The following DLG4 variants were observed in gnomAD, a reference collection of about 807,000 sequenced individuals.
DLG4 encodes discs large MAGUK scaffold protein 4, also known as disks large homolog 4.
In DLG4, 7 loss-of-function variants were observed where a neutral mutation model predicts 93.8. The observed-to-expected ratio is 0.07, with a 90% CI of 0.04 to 0.14. DLG4 has a LOEUF of 0.14. DLG4 is among the 10% of genes least tolerant of loss of function. DLG4 has a pLI of 1.00. For synonymous variants in DLG4, 341 were observed against 387.6 expected (o/e 0.88, Z 1.41); for missense variants, 545 against 992.9 (o/e 0.55, Z 6.06).
Position 7,204,182 on chromosome 17 carries a change from A to G in DLG4, c.150+17T>C. 1 of 1,607,042 alleles carries G rather than the reference A, an allele frequency of 6.2e-7. No homozygotes were observed. The highest frequency in any genetic ancestry group is 8.5e-7 in the Non-Finnish European group (1 of 1,175,616). ...TCCTTCTGCAATGGCCCCAGCCCCA[A>G]AATCTAAACAACTCACATATCCTGG... On this transcript the variant is annotated intron_variant, in intron 3 of 19. Transcript: ENST00000399506.
chr17:7,211,752 CGGGGGTT>C (rs1270351347), intron 1 of DLG4: 1 of 79,926 alleles, frequency 1.3e-5, no homozygotes, highest in East Asian at 5.1e-4. Flanking sequence ...TCAAGGGTCC[CGGGGGTT>C]GGGGGAGGGG....
In DLG4 at chr17:7,196,436, T is replaced by C; in HGVS notation, c.1186+37A>G. ...AGCTGAGGAAGAGTTCTAAGGGCCA[T>C]TTCAGCTCACAAGACAAGGAACTTC... On this transcript the variant is annotated intron_variant, in intron 10 of 19. Coordinates refer to ENST00000399506, the MANE Select transcript of DLG4 (RefSeq NM_001321075.3). This position sits in a 1 kb window ranked among gnomAD's most constrained non-coding sequence, Gnocchi z 8.3. The C allele has an allele frequency of 6.2e-7, 1 of 1,612,156 alleles. No homozygotes were observed. Among genetic ancestry groups the C allele is most frequent in the Non-Finnish European group, 8.5e-7 (1 of 1,178,208 alleles).
Position 7,192,949 on chromosome 17 carries a change from T to C in DLG4, c.1862A>G (p.Glu621Gly). The C allele has an allele frequency of 6.2e-7, 1 of 1,612,262 alleles. No individual in the cohort carries two copies. The highest frequency in any genetic ancestry group is 8.5e-7 in the Non-Finnish European group (1 of 1,179,050). Reference protein sequence around the residue: ...TSVQSVREVAEQGKHCILDVS... With the variant: ...TSVQSVREVAGQGKHCILDVS... ...CGGGTGCCCGCCAGGTCCTACCTGC[T>C]CTGCCACCTCTCGCACGGACTGGAC... The change falls in exon 17 of 20, where the codon GAG (glutamate) becomes GGG (glycine). Residue 621 changes from glutamate to glycine, a missense_variant. By Grantham distance (98) the Glu-to-Gly change is moderately conservative. Around this residue, in one of 5 missense-constraint regions of DLG4, gnomAD observed 428 missense variants for 741.4 expected, o/e 0.58. Transcript: ENST00000399506.
chr17:7,191,478 C>A lies in DLG4; in HGVS notation c.1977-120G>T. Reference sequence around the variant, plus strand: ...GGAGCACATAGCAAAAAAAAAAATACAATTCCCAATATCCTCTGGGGCCAC... The same window carrying A: ...GGAGCACATAGCAAAAAAAAAAATAAAATTCCCAATATCCTCTGGGGCCAC... On this transcript the variant is annotated intron_variant, in intron 18 of 19. Transcript: ENST00000399506. The surrounding 1 kb of genome is among the most constrained non-coding windows in gnomAD (Gnocchi z 6.6). 1 of 806,108 alleles carries A rather than the reference C, an allele frequency of 1.2e-6. No homozygotes were observed. The highest frequency in any genetic ancestry group is 2.0e-6 in the Non-Finnish European group (1 of 492,970). The allele number at this position is 806,108 out of a possible 1,614,324, so 49.9% of individuals were successfully genotyped here. A position where few individuals can be genotyped will look rare whatever the true frequency, so the allele number is the denominator to read the frequency against.
rs770025954 is a variant in DLG4, at chr17:7,193,508, G to A, written c.1668C>T (p.Pro556=). 13 of 1,537,626 alleles carry A rather than the reference G, an allele frequency of 8.5e-6. No homozygotes were observed. The East Asian group carries it at 9.0e-5, about 11-fold the overall frequency. ...RANDDLLSEF[P]DKFGSCVPHT... is the part of the protein sequence containing the mutation. ...GGGGAACACAGGATCCAAACTTGTCGGGGAACTCGGAGAGAAGATCATCGT... is the reference window on the plus strand; with the variant it reads ...GGGGAACACAGGATCCAAACTTGTCAGGGAACTCGGAGAGAAGATCATCGT... The change falls in exon 16 of 20, where the codon CCC becomes CCT. Residue 556 remains proline, a synonymous_variant. Transcript: ENST00000399506. The surrounding 1 kb of genome is among the most constrained non-coding windows in gnomAD (Gnocchi z 6.7).
At position 7,190,946 on chromosome 17, in the gene DLG4, C is replaced by T. The variant is rs1597435386; in HGVS notation, c.2069-132G>A. On this transcript the variant is annotated intron_variant, in intron 19 of 19. Coordinates refer to ENST00000399506, the MANE Select transcript of DLG4 (RefSeq NM_001321075.3). ...AAGCCATAAGTCCTGGGGCTGCACCCGCCCACAGGGGCACCTCTTTTTTTT... is the reference window on the plus strand; with the variant it reads ...AAGCCATAAGTCCTGGGGCTGCACCTGCCCACAGGGGCACCTCTTTTTTTT... 1.2e-5 allele frequency: 8 copies of T among 695,476 alleles called. No individual in the cohort carries two copies. In the East Asian group the frequency reaches 1.3e-4, roughly 11 times the overall value. 43.1% of individuals were successfully genotyped at this position (695,476 alleles called of 1,614,324 possible). A position where few individuals can be genotyped will look rare whatever the true frequency, so the allele number is the denominator to read the frequency against.
intron 2 of DLG4, among the ~76,000 whole-genome samples, chr17:7,207,403 C>T (rs2070516167): frequency 6.6e-6 from 1 of 151,988 alleles, no homozygotes; most frequent in African/African-American, 2.4e-5. Context: ...GGGAAGAGAA[C>T]TCAGGAGTGG....
rs946157988 is a variant in DLG4 at position 7,188,892 on chromosome 17, AC to A, written c.*1815del. Among the ~76,000 whole-genome samples, 10 of 152,116 alleles carry A rather than the reference AC, an allele frequency of 6.6e-5. No homozygotes were observed. The highest frequency in any genetic ancestry group is 2.4e-4 in the African/African-American group (10 of 41,420). On this transcript the variant is annotated 3_prime_UTR_variant, in exon 20 of 20. Coordinates refer to ENST00000399506, the MANE Select transcript of DLG4 (RefSeq NM_001321075.3). ...TGTGGGAGGCCAAGCTGGGCGGATC[AC>A]CTGAGGTCAGGAGTTCGAGACCAGC...
intron 2 of DLG4, among the ~76,000 whole-genome samples, chr17:7,207,732 GCACA>G (rs147158727): frequency 1.4e-4 from 21 of 149,412 alleles, no homozygotes; most frequent in African/African-American, 2.2e-4. Flanking sequence ...GCGCACGCAC[GCACA>G]CACACACACA....
chr17:7,217,856 T>C, upstream of DLG4: 11 of 1,526,348 alleles, frequency 7.2e-6, no homozygotes, highest in Non-Finnish European at 9.7e-6. Context: ...GCATCTATAG[T>C]TGGGCTGGGA....
At chr17:7,207,348 G>GAGCCAGCA (rs2070512837) in intron 2 of DLG4, among the ~76,000 whole-genome samples, 1 of 152,012 alleles carries the variant, frequency 6.6e-6, no homozygotes, top group Admixed American at 6.5e-5. Context: ...ACAGCATCAA[G>GAGCCAGCA]AGCCAGCCAG....
In DLG4 at chr17:7,188,691, G is replaced by C. The variant is rs529224968; in HGVS notation, c.*2017C>G. On this transcript the variant is annotated 3_prime_UTR_variant, in exon 20 of 20. Coordinates refer to ENST00000399506, the MANE Select transcript of DLG4 (RefSeq NM_001321075.3). ...ATTTCCTTTTTTGCCATGGCTATCA[G>C]GAAGCTCAGAGATCACATTTACCCT... 6.6e-6 allele frequency among the ~76,000 whole-genome samples: 1 copy of C among 152,218 alleles called. No individual in the cohort carries two copies. The highest frequency in any genetic ancestry group is 2.1e-4 in the South Asian group (1 of 4,824).
Position 7,195,989 on chromosome 17 carries a change from G to A in DLG4, c.1301+231C>T, listed in dbSNP as rs1036985555. Among the ~76,000 whole-genome samples, 3 of 152,234 alleles carry A rather than the reference G, an allele frequency of 2.0e-5. No homozygotes were observed. The highest frequency in any genetic ancestry group is 7.2e-5 in the African/African-American group (3 of 41,466). ...CCCGGGGAAGTGCTGGGATGACCAGGGGCTAGAAGGCAATTGGGATACTTG... is the reference window on the plus strand; with the variant it reads ...CCCGGGGAAGTGCTGGGATGACCAGAGGCTAGAAGGCAATTGGGATACTTG... On this transcript the variant is annotated intron_variant, in intron 11 of 19. Transcript: ENST00000399506. This position sits in a 1 kb window ranked among gnomAD's most constrained non-coding sequence, Gnocchi z 4.3.
intron 8 of DLG4, among the ~76,000 whole-genome samples, chr17:7,198,047 C>A (rs2069892976): frequency 6.6e-6 from 1 of 152,136 alleles, no homozygotes; most frequent in South Asian, 2.1e-4. Context: ...GGGTCATCAG[C>A]CCAGTCCATC....
upstream of DLG4, chr17:7,218,313 C>T (rs774410440): frequency 1.6e-5 from 25 of 1,595,996 alleles, no homozygotes; most frequent in South Asian, 5.7e-5. Flanking sequence ...GTTACCTCCC[C>T]ACCCCAGGCC....
At chr17:7,206,027 G>T (rs1000403680) in intron 2 of DLG4, among the ~76,000 whole-genome samples, 2 of 151,038 alleles carry the variant, frequency 1.3e-5, no homozygotes, top group Non-Finnish European at 3.0e-5. Flanking sequence ...TTCTCCATCC[G>T]CTTCCCTGGC....
chr17:7,205,940 T>A (rs2070445621), intron 2 of DLG4, among the ~76,000 whole-genome samples: 1 of 151,362 alleles, frequency 6.6e-6, no homozygotes, highest in Admixed American at 6.6e-5. Context: ...CCCATCCCTA[T>A]CTCTGCCCGC....
At chr17:7,217,793 C>T, upstream of DLG4, 1 of 1,535,276 alleles carries the variant, frequency 6.5e-7, no homozygotes, top group Non-Finnish European at 8.7e-7. Context: ...TGGCCAGCCA[C>T]CAGCGATGAC....
Position 7,190,809 on chromosome 17 carries a change from C to A in DLG4, c.2074G>T (p.Val692Leu), listed in dbSNP as rs758653979. The A allele has an allele frequency of 6.2e-7, 1 of 1,612,756 alleles. No individual in the cohort carries two copies. The highest frequency in any genetic ancestry group is 1.1e-5 in the South Asian group (1 of 91,050). ...ATCTCCTCAAAGCTGTCACCCTCCACGATGGCTGGGAGTGGGGTGGAGCAG... is the reference window on the plus strand; with the variant it reads ...ATCTCCTCAAAGCTGTCACCCTCCAAGATGGCTGGGAGTGGGGTGGAGCAG... ...QEFTECFSAI[V>L]EGDSFEEIYH... Residue 692 changes from valine to leucine, a missense_variant, in exon 20 of 20, where the codon GTG (valine) becomes TTG (leucine). Transcript: ENST00000399506.
Sources: allele counts gnomAD v4.1 joint callset (sites outside exome capture counted in the v4.1 genomes callset), GRCh38; gene constraint gnomAD v4.1.1; regional missense constraint gnomAD v4.1.1; non-coding constraint Gnocchi (gnomAD v3.1); transcripts MANE v1.5; gene names NCBI Gene and HGNC (gene_info 2026-07-23, HGNC 2026-07-21).